The following PDZD2 variants were observed in gnomAD, a reference collection of about 807,000 sequenced individuals.
The protein encoded by PDZD2 is PDZ domain-containing protein 2.
Under a neutral mutation model 220.7 loss-of-function variants are expected in PDZD2, and 90 were observed. The observed-to-expected ratio is 0.41, with a 90% CI of 0.34 to 0.49. The LOEUF (loss-of-function observed/expected upper bound fraction) is 0.49, where lower values mean the gene tolerates loss of function less well. Ranked by LOEUF, PDZD2 falls within the 20% of genes least tolerant of loss-of-function variation. The pLI is 0.28. For synonymous variants in PDZD2, 1,375 were observed against 1,450.5 expected (o/e 0.95, Z 1.18); for missense variants, 3,174 against 3,608.5 (o/e 0.88, Z 3.08).
intron 2 of PDZD2, among the ~76,000 whole-genome samples, chr5:31,870,220 A>C (rs765343835): frequency 6.6e-6 from 1 of 152,088 alleles, no homozygotes; most frequent in Non-Finnish European, 1.5e-5. Flanking sequence ...TTTGAGAGAA[A>C]ATGTGGAAAA....
intron 1 of PDZD2, among the ~76,000 whole-genome samples, chr5:31,696,186 C>T (rs1456543975): frequency 6.6e-6 from 1 of 152,134 alleles, no homozygotes; most frequent in Non-Finnish European, 1.5e-5. Flanking sequence ...GTAACATCTG[C>T]ACCTAGAGGG....
chr5:31,842,864 G>T (rs1757390853), intron 2 of PDZD2, among the ~76,000 whole-genome samples: 1 of 151,752 alleles, frequency 6.6e-6, no homozygotes, highest in African/African-American at 2.4e-5. Flanking sequence ...CATGTTTTTT[G>T]TTGTTGTTGT....
intron 6 of PDZD2, among the ~76,000 whole-genome samples, chr5:32,020,658 T>TG (rs1391351567): frequency 6.6e-6 from 1 of 151,640 alleles, no homozygotes; most frequent in Non-Finnish European, 1.5e-5. Context: ...TTTTTTCTTT[T>TG]TTTTTTGAGA....
intron 2 of PDZD2, among the ~76,000 whole-genome samples, chr5:31,877,320 A>G (rs1275884705): frequency 1.3e-5 from 2 of 151,988 alleles, no homozygotes; most frequent in Non-Finnish European, 2.9e-5. Context: ...GGCTCAAGCG[A>G]TTCTCCCACT....
chr5:31,821,561 A>G (rs1056747571), intron 2 of PDZD2, among the ~76,000 whole-genome samples: 13 of 152,128 alleles, frequency 8.5e-5, no homozygotes, highest in African/African-American at 3.1e-4. Context: ...TTGTATTTTT[A>G]GTAGAGACGG....
intron 2 of PDZD2, among the ~76,000 whole-genome samples, chr5:31,876,313 A>G (rs569648360): frequency 2.2e-4 from 33 of 148,976 alleles, no homozygotes; most frequent in Admixed American, 9.4e-4. Flanking sequence ...TTTTTTTTTA[A>G]AGACAGTCTC....
At chr5:31,839,325 G>C (rs759999750) in intron 2 of PDZD2, among the ~76,000 whole-genome samples, 15 of 152,060 alleles carry the variant, frequency 9.9e-5, no homozygotes, top group Admixed American at 4.6e-4. Flanking sequence ...CCTCTGTAAT[G>C]ACCACAGAAG....
At chr5:32,086,425 G>T (rs553224942) in intron 19 of PDZD2, among the ~76,000 whole-genome samples, 1 of 152,152 alleles carries the variant, frequency 6.6e-6, no homozygotes, top group African/African-American at 2.4e-5. Flanking sequence ...TTAAATCAGG[G>T]TAATCAGCAT....
At chr5:31,774,577 G>A (rs1352700735) in intron 1 of PDZD2, among the ~76,000 whole-genome samples, 1 of 151,928 alleles carries the variant, frequency 6.6e-6, no homozygotes, top group Non-Finnish European at 1.5e-5. Context: ...GTAGCCGGGT[G>A]TGGTGGTGCA....
At chr5:31,758,179 C>T (rs1165578056) in intron 1 of PDZD2, among the ~76,000 whole-genome samples, 3 of 152,222 alleles carry the variant, frequency 2.0e-5, no homozygotes, top group African/African-American at 7.2e-5. Flanking sequence ...GGATTCTAAA[C>T]TTTTCAAGAG....
At chr5:31,908,510 C>T in intron 2 of PDZD2, 1 of 1,064,138 alleles carries the variant, frequency 9.4e-7, no homozygotes, top group Non-Finnish European at 1.4e-6. Context: ...GGAAATGCCT[C>T]CGCTGAAGGC....
At chr5:32,052,161 T>G (rs1738620185) in intron 8 of PDZD2, among the ~76,000 whole-genome samples, 1 of 152,242 alleles carries the variant, frequency 6.6e-6, no homozygotes, top group Admixed American at 6.5e-5. Context: ...CGATAGTTTT[T>G]TTGAGACGGA....
intron 1 of PDZD2, among the ~76,000 whole-genome samples, chr5:31,720,322 A>G (rs2150146660): frequency 6.6e-6 from 1 of 152,354 alleles, no homozygotes; most frequent in Non-Finnish European, 1.5e-5. Flanking sequence ...GTAACCAAAA[A>G]GCATAGCAGG....
chr5:31,844,223 G>A (rs1361895388), intron 2 of PDZD2, among the ~76,000 whole-genome samples: 1 of 152,172 alleles, frequency 6.6e-6, no homozygotes, highest in Non-Finnish European at 1.5e-5. Context: ...TGCTTGGGAA[G>A]AGAAGAAGGG....
intron 1 of PDZD2, among the ~76,000 whole-genome samples, chr5:31,781,353 G>T (rs1318041975): frequency 6.6e-6 from 1 of 152,230 alleles, no homozygotes; most frequent in Non-Finnish European, 1.5e-5. Flanking sequence ...GTTGGAGGTT[G>T]CAGTGAGCTG....
chr5:31,854,416 G>C (rs1404327327), intron 2 of PDZD2, among the ~76,000 whole-genome samples: 2 of 152,152 alleles, frequency 1.3e-5, no homozygotes, highest in African/African-American at 2.4e-5. Context: ...GTAATTCAGC[G>C]GTGTTAACTT....
intron 2 of PDZD2, among the ~76,000 whole-genome samples, chr5:31,968,998 G>A (rs1055366375): frequency 4.6e-5 from 7 of 152,148 alleles, no homozygotes; most frequent in African/African-American, 1.2e-4. Flanking sequence ...GATTTGTGAC[G>A]TTGGAATGGT....
intron 2 of PDZD2, among the ~76,000 whole-genome samples, chr5:31,873,765 T>A (rs1739052358): frequency 6.7e-6 from 1 of 150,124 alleles, no homozygotes; most frequent in South Asian, 2.1e-4. Context: ...AGTTCCGCTC[T>A]TGTTGCCCAG....
chr5:31,641,947 C>T (rs1057465432), intron 1 of PDZD2, among the ~76,000 whole-genome samples: 4 of 152,126 alleles, frequency 2.6e-5, no homozygotes, highest in Non-Finnish European at 5.9e-5. Flanking sequence ...AGAGGGAACA[C>T]CCCAGACCCC....
Sources: gnomAD v4.1 joint callset for allele counts (sites outside exome capture counted in the v4.1 genomes callset) on GRCh38, gnomAD v4.1.1 for gene constraint, MANE v1.5 for transcripts, NCBI Gene and HGNC (gene_info 2026-07-23, HGNC 2026-07-21) for gene names.